The following DNAH14 variants were observed in gnomAD, a reference collection of about 807,000 sequenced individuals.
DNAH14 encodes the protein axonemal beta dynein heavy chain 14.
In DNAH14, 478 loss-of-function variants were observed where a neutral mutation model predicts 520.9. The ratio of observed to expected loss-of-function variants is 0.92; its 90% CI spans 0.85 to 0.99. The LOEUF (loss-of-function observed/expected upper bound fraction) is 0.99, where lower values mean the gene tolerates loss of function less well. Among genes scored for constraint, DNAH14 ranks in the 50% least tolerant of loss-of-function variants. The pLI, the probability that DNAH14 is intolerant of heterozygous loss-of-function variation, is 0.00. For missense variants in DNAH14, 4,831 were observed against 5,234.5 expected (o/e 0.92, Z 2.38); for synonymous variants, 1,581 against 1,757.2 (o/e 0.90, Z 2.51).
chr1:225,161,460 C>T (rs566397439), intron 35 of DNAH14, among the ~76,000 whole-genome samples: 1 of 152,142 alleles, frequency 6.6e-6, no homozygotes, highest in Non-Finnish European at 1.5e-5. Context: ...CTATTGTGAA[C>T]AGTACTGCAG....
intron 41 of DNAH14, among the ~76,000 whole-genome samples, chr1:225,215,416 A>G (rs2089163490): frequency 6.6e-6 from 1 of 152,184 alleles, no homozygotes; most frequent in African/African-American, 2.4e-5. Context: ...GTAGATTTCT[A>G]TGAGGCCTGC....
intron 66 of DNAH14, among the ~76,000 whole-genome samples, chr1:225,336,744 T>C (rs943304824): frequency 3.9e-5 from 6 of 152,242 alleles, no homozygotes; most frequent in Non-Finnish European, 5.9e-5. Context: ...GTAGCTCTGC[T>C]TCTTATTCTG....
chr1:224,951,579 A>T (rs998988411), intron 1 of DNAH14, among the ~76,000 whole-genome samples: 3 of 151,384 alleles, frequency 2.0e-5, no homozygotes, highest in East Asian at 1.9e-4. Context: ...AGTCTCGTCA[A>T]TAGGTAGACT....
chr1:225,353,334 T>G (rs944336483), intron 72 of DNAH14, among the ~76,000 whole-genome samples: 11 of 152,144 alleles, frequency 7.2e-5, no homozygotes, highest in African/African-American at 2.2e-4. Flanking sequence ...TAATATTTAA[T>G]TTTTCAAAAA....
chr1:225,055,350 G>C (rs1471893514), intron 17 of DNAH14, among the ~76,000 whole-genome samples: 1 of 151,962 alleles, frequency 6.6e-6, no homozygotes, highest in East Asian at 1.9e-4. Flanking sequence ...AGTACTTTCA[G>C]TTCTAGACTA....
At chr1:225,206,211 G>A (rs1414074251) in intron 40 of DNAH14, 32 bp downstream of exon 40, 7 of 1,499,542 alleles carry the variant, frequency 4.7e-6, no homozygotes, top group Non-Finnish European at 5.4e-6. Context: ...TTTTAACAAA[G>A]CAAAAATGTT....
At position 225,159,306 on chromosome 1, in the gene DNAH14, C is replaced by T; in HGVS notation, c.5274-8C>T. The T allele has an allele frequency of 6.5e-7, 1 of 1,549,388 alleles. No homozygotes were observed. Among genetic ancestry groups the T allele is most frequent in the Non-Finnish European group, 8.7e-7 (1 of 1,145,602 alleles). The stretch of plus-strand genomic sequence containing the variant: ...GTTCTCTGTGTTTGTTTTCTTCTAC[C>T]ATTGAAGTGATACCAGTGACAGTCT... On this transcript the variant is annotated splice_region_variant and splice_polypyrimidine_tract_variant and intron_variant, in intron 34 of 85. Coordinates refer to ENST00000682510, the MANE Select transcript of DNAH14 (RefSeq NM_001367479.1).
intron 19 of DNAH14, 51 bp downstream of exon 19, chr1:225,080,799 C>G (rs1030009368): frequency 6.9e-5 from 101 of 1,459,052 alleles, no homozygotes; most frequent in Admixed American, 4.3e-4. Context: ...TACCAAATGG[C>G]CTTTGGACAT....
chr1:225,104,432 A>C (rs547752888), intron 23 of DNAH14, among the ~76,000 whole-genome samples: 6 of 151,998 alleles, frequency 3.9e-5, no homozygotes, highest in African/African-American at 1.4e-4. Flanking sequence ...CTCTTTTTCT[A>C]TTGTTTGGAA....
chr1:224,951,644 A>ATTTTT (rs67437504), intron 1 of DNAH14, among the ~76,000 whole-genome samples: 37 of 80,150 alleles, frequency 4.6e-4, no homozygotes, highest in African/African-American at 9.1e-4. Flanking sequence ...AGATTTCTGG[A>ATTTTT]TTTTTTTTTT....
chr1:225,180,758 G>C (rs2083890037), intron 36 of DNAH14, among the ~76,000 whole-genome samples: 1 of 152,134 alleles, frequency 6.6e-6, no homozygotes, highest in South Asian at 2.1e-4. Flanking sequence ...CTTTCAAATA[G>C]CCTGTCTTTG....
chr1:225,215,448 T>C (rs1254001807), intron 41 of DNAH14, among the ~76,000 whole-genome samples: 1 of 152,188 alleles, frequency 6.6e-6, no homozygotes, highest in Non-Finnish European at 1.5e-5. Flanking sequence ...CTGAGTTCAA[T>C]TCCTGGATAT....
At chr1:225,395,009 C>T (rs1364820583) in intron 84 of DNAH14, among the ~76,000 whole-genome samples, 2 of 152,054 alleles carry the variant, frequency 1.3e-5, no homozygotes, top group Non-Finnish European at 2.9e-5. Flanking sequence ...CATGCCTGGG[C>T]CTGTTTCTAT....
At chr1:225,036,163 TC>T (rs1310937623) in intron 11 of DNAH14, among the ~76,000 whole-genome samples, 1 of 151,664 alleles carries the variant, frequency 6.6e-6, no homozygotes, top group Non-Finnish European at 1.5e-5. Context: ...TGAGATAGAG[TC>T]CCACACTCTC....
At position 225,094,660 on chromosome 1, in the gene DNAH14, A is replaced by C. The variant is rs111838460; in HGVS notation, c.3574-2458A>C. On this transcript the variant is annotated intron_variant, in intron 21 of 85. Transcript: ENST00000682510. ...AACTAGAAAGCTTCTGCACAGCAAA[A>C]AAAAAAAAAAAAAAAAAACAACAAA... is the stretch of plus-strand genomic sequence containing the variant. Among the ~76,000 whole-genome samples the C allele has an allele frequency of 3.1e-5, 3 of 98,232 alleles. No individual in the cohort carries two copies. The African/African-American group carries it at 3.3e-4, about 11-fold the overall frequency. 64.4% of individuals were successfully genotyped at this position (98,232 alleles called of 152,430 possible). A position where few individuals can be genotyped will look rare whatever the true frequency, so the allele number is the denominator to read the frequency against.
intron 8 of DNAH14, among the ~76,000 whole-genome samples, chr1:224,987,746 C>T (rs1399658122): frequency 6.6e-6 from 1 of 152,152 alleles, no homozygotes; most frequent in African/African-American, 2.4e-5. Context: ...CCTGCCTCAG[C>T]TTCCTGAATA....
intron 41 of DNAH14, among the ~76,000 whole-genome samples, chr1:225,217,832 CT>C (rs1167636069): frequency 6.6e-6 from 1 of 152,152 alleles, no homozygotes; most frequent in Non-Finnish European, 1.5e-5. Flanking sequence ...AGGGAATTCC[CT>C]GATCCCTTGG....
At chr1:225,323,018 CT>C (rs5781397) in intron 62 of DNAH14, among the ~76,000 whole-genome samples, 195 bp downstream of exon 62, 20,051 of 152,124 alleles carry the variant, frequency 0.13, 1,587 homozygotes, top group South Asian at 0.25. Flanking sequence ...AAATTTCATT[CT>C]GATTATGGCT....
At chr1:225,055,900 A>G (rs997363305) in intron 17 of DNAH14, among the ~76,000 whole-genome samples, 6 of 151,986 alleles carry the variant, frequency 3.9e-5, no homozygotes, top group Non-Finnish European at 7.4e-5. Context: ...ATTCCATGGT[A>G]TATATGTGCC....
Sources: gnomAD v4.1 joint callset for allele counts (sites outside exome capture counted in the v4.1 genomes callset) on GRCh38, gnomAD v4.1.1 for gene constraint, MANE v1.5 for transcripts, NCBI Gene and HGNC (gene_info 2026-07-23, HGNC 2026-07-21) for gene names.